Variants in CNIH3 observed in about 807,000 individuals in gnomAD.
CNIH3 encodes protein cornichon homolog 3.
A neutral mutation model predicts 24.1 loss-of-function variants in CNIH3; 14 were observed. The ratio of observed to expected loss-of-function variants is 0.58; its 90% confidence interval spans 0.38 to 0.91. The LOEUF (loss-of-function observed/expected upper bound fraction) is 0.91. Ranked by LOEUF, CNIH3 falls within the 40% of genes least tolerant of loss-of-function variation. The probability of loss-of-function intolerance (pLI) is 0.00; values close to 1 mark genes in which losing one functional copy is unlikely to be tolerated. For missense variants in CNIH3, 178 were observed against 196.8 expected (o/e 0.90, Z 0.57); for synonymous variants, 68 against 73.8 (o/e 0.92, Z 0.40).
intron 3 of CNIH3, among the ~76,000 whole-genome samples, chr1:224,696,449 C>G (rs1687181521): frequency 6.6e-6 from 1 of 152,224 alleles, no homozygotes; most frequent in South Asian, 2.1e-4. Flanking sequence ...AGGACGGCTG[C>G]AGATCTCTGT....
chr1:224,729,945 C>T (rs116798268), intron 3 of CNIH3, among the ~76,000 whole-genome samples: 324 of 152,320 alleles, frequency 2.1e-3, no homozygotes, highest in African/African-American at 7.3e-3. Flanking sequence ...GGCAAAATGC[C>T]ACTGCCTTCT....
intron 1 of CNIH3, among the ~76,000 whole-genome samples, chr1:224,518,393 A>C (rs1678482079): frequency 6.6e-6 from 1 of 152,100 alleles, no homozygotes; most frequent in Non-Finnish European, 1.5e-5. Flanking sequence ...GCAGTGGTGC[A>C]ATCATAGCTC....
chr1:224,472,059 C>CT (rs1012295054), intron 1 of CNIH3, among the ~76,000 whole-genome samples: 13 of 152,040 alleles, frequency 8.6e-5, no homozygotes, highest in Non-Finnish European at 1.6e-4. Flanking sequence ...TACTGATTTC[C>CT]TTTTTTTGGG....
chr1:224,627,445 C>T (rs928987669), intron 1 of CNIH3, among the ~76,000 whole-genome samples: 12 of 152,114 alleles, frequency 7.9e-5, no homozygotes, highest in Non-Finnish European at 1.6e-4. Flanking sequence ...AGGCTGGTCT[C>T]GAACTTCTGA....
chr1:224,629,360 T>C (rs1326692229), intron 1 of CNIH3, among the ~76,000 whole-genome samples: 2 of 152,034 alleles, frequency 1.3e-5, no homozygotes, highest in East Asian at 2.0e-4. Context: ...CCCTAAAATA[T>C]GTAAAACGAA....
intron 1 of CNIH3, among the ~76,000 whole-genome samples, chr1:224,624,883 T>A (rs921094982): frequency 3.3e-5 from 5 of 152,232 alleles, no homozygotes; most frequent in Admixed American, 3.3e-4. Flanking sequence ...AATGGGCTGT[T>A]CTGTCTCCCT....
chr1:224,616,805 T>C lies in CNIH3; in HGVS notation c.-370T>C. ...CCTGGGGCGAATGGGACCTCCTCCCTCGGTCCTCCGTGGAGTCGTCGCATC... is the reference window on the plus strand; with the variant it reads ...CCTGGGGCGAATGGGACCTCCTCCCCCGGTCCTCCGTGGAGTCGTCGCATC... On this transcript the variant is annotated 5_prime_UTR_variant, in exon 1 of 6. Coordinates refer to ENST00000272133, the MANE Select transcript of CNIH3 (RefSeq NM_152495.2). The C allele has an allele frequency of 1.9e-6, 2 of 1,072,880 alleles. No homozygotes were observed. The highest frequency in any genetic ancestry group is 2.3e-6 in the Non-Finnish European group (2 of 886,220). The allele number at this position is 1,072,880 out of a possible 1,614,324, so 66.5% of individuals were successfully genotyped here.
At chr1:224,629,531 G>A (rs1323225387) in intron 1 of CNIH3, among the ~76,000 whole-genome samples, 4 of 152,084 alleles carry the variant, frequency 2.6e-5, no homozygotes, top group Non-Finnish European at 5.9e-5. Flanking sequence ...ACTGCATTTT[G>A]TTCACCCCTT....
chr1:224,684,273 G>A lies in CNIH3; in HGVS notation c.151-523G>A, dbSNP rs1686545400. 6.6e-6 allele frequency among the ~76,000 whole-genome samples: 1 copy of A among 152,220 alleles called. No individual in the cohort carries two copies. The highest frequency in any genetic ancestry group is 1.5e-5 in the Non-Finnish European group (1 of 68,040). ...AAAGCCTTAGCCTGGGGGCATCATT[G>A]TTGTCTAATTTAGTAGGGAGATTAC... On this transcript the variant is annotated intron_variant, in intron 2 of 5. Transcript: ENST00000272133. This position sits in a 1 kb window ranked among gnomAD's most constrained non-coding sequence, Gnocchi z 4.2.
At chr1:224,542,048 C>G, downstream of CNIH3, among the ~76,000 whole-genome samples, 1 of 152,194 alleles carries the variant, frequency 6.6e-6, no homozygotes, top group East Asian at 1.9e-4. Flanking sequence ...TTCAGGGCCT[C>G]CATAGAATGG....
In CNIH3 at chr1:224,673,220, C is replaced by G. The variant is rs1288641700; in HGVS notation, c.82-7738C>G. Among the ~76,000 whole-genome samples, 3 of 152,294 alleles carry G rather than the reference C, an allele frequency of 2.0e-5. No homozygotes were observed. The South Asian group carries it at 6.2e-4, about 32-fold the overall frequency. On this transcript the variant is annotated intron_variant, in intron 1 of 5. Transcript: ENST00000272133. ...CAACTCCTTTTGTTAGAGTGAGAGA[C>G]CACAAGCAGCAAACACAGTCCTGCA...
At chr1:224,483,390 A>AT (rs34771495) in intron 1 of CNIH3, among the ~76,000 whole-genome samples, 28,547 of 139,056 alleles carry the variant, frequency 0.21, 3,031 homozygotes, top group African/African-American at 0.23. Context: ...TGCTCACCTG[A>AT]TTTTTTTTTT....
chr1:224,694,480 A>G (rs1202383722), intron 3 of CNIH3, among the ~76,000 whole-genome samples: 1 of 152,190 alleles, frequency 6.6e-6, no homozygotes, highest in Non-Finnish European at 1.5e-5. Flanking sequence ...CTATCCACCC[A>G]GGATAGTTAA....
chr1:224,664,964 C>A (rs1193791857), intron 1 of CNIH3: 5 of 152,118 alleles, frequency 3.3e-5, no homozygotes, highest in African/African-American at 1.2e-4. Context: ...GCCTTGTGGT[C>A]TTGGTATCTC....
intron 2 of CNIH3, among the ~76,000 whole-genome samples, chr1:224,533,653 C>A (rs1199669796): frequency 2.0e-5 from 3 of 152,128 alleles, no homozygotes; most frequent in Non-Finnish European, 4.4e-5. Context: ...CGTGGCCTTT[C>A]TTGCCTCATC....
intron 3 of CNIH3, among the ~76,000 whole-genome samples, chr1:224,720,536 T>TG (rs1403944209): frequency 6.6e-6 from 1 of 152,006 alleles, no homozygotes; most frequent in Non-Finnish European, 1.5e-5. Context: ...CTGGGCTGGG[T>TG]GGGCACCGTG....
chr1:224,634,550 G>GC (rs1249899254), intron 1 of CNIH3, among the ~76,000 whole-genome samples: 2 of 150,792 alleles, frequency 1.3e-5, no homozygotes, highest in African/African-American at 4.9e-5. Context: ...TCCAGCCTGG[G>GC]CAACAGATTG....
At chr1:224,642,957 A>G (rs754949330) in intron 1 of CNIH3, among the ~76,000 whole-genome samples, 28 of 152,208 alleles carry the variant, frequency 1.8e-4, no homozygotes, top group South Asian at 6.2e-4. Flanking sequence ...AGGAGAGTGC[A>G]TTGTATCTGA....
At chr1:224,482,299 G>A (rs975401016) in intron 1 of CNIH3, among the ~76,000 whole-genome samples, 8 of 152,080 alleles carry the variant, frequency 5.3e-5, no homozygotes, top group Non-Finnish European at 1.2e-4. Flanking sequence ...CTTTTCTCAA[G>A]CAGAAGGGTT....
Sources: allele counts gnomAD v4.1 joint callset (sites outside exome capture counted in the v4.1 genomes callset), GRCh38; gene constraint gnomAD v4.1.1; non-coding constraint Gnocchi (gnomAD v3.1); transcripts MANE v1.5; gene names NCBI Gene and HGNC (gene_info 2026-07-23, HGNC 2026-07-21).